The following CELF2 variants were observed in gnomAD, a reference collection of about 807,000 sequenced individuals.
CELF2 encodes the protein CUG triplet repeat RNA-binding protein 2.
Under a neutral mutation model 62.6 loss-of-function variants are expected in CELF2, and 8 were observed. That is an observed-to-expected ratio of 0.13 (90% CI 0.07 to 0.23). The LOEUF is 0.23. Among genes scored for constraint, CELF2 ranks in the 10% least tolerant of loss-of-function variants. The pLI is 1.00. For synonymous variants in CELF2, 258 were observed against 250.0 expected (o/e 1.03, Z -0.30); for missense variants, 333 against 671.0 (o/e 0.50, Z 5.56).
chr10:11,188,151 G>T (rs2075443986), intron 2 of CELF2, among the ~76,000 whole-genome samples: 1 of 152,190 alleles, frequency 6.6e-6, no homozygotes, highest in Non-Finnish European at 1.5e-5. Context: ...TGTTGCCCAG[G>T]TTGGAGTGCA....
chr10:10,912,787 C>G (rs1049505388), intron 1 of CELF2, among the ~76,000 whole-genome samples: 1 of 152,216 alleles, frequency 6.6e-6, no homozygotes. Flanking sequence ...TGTTCACATC[C>G]TGATGAAAAG....
the CELF2 span, among the ~76,000 whole-genome samples, chr10:10,594,976 G>T: frequency 6.6e-6 from 1 of 152,188 alleles, no homozygotes; most frequent in Non-Finnish European, 1.5e-5. Flanking sequence ...ATTCCAGAGG[G>T]TGGGCTGGTT....
intron 2 of CELF2, among the ~76,000 whole-genome samples, chr10:11,189,967 G>T (rs1269846933): frequency 2.6e-5 from 4 of 152,056 alleles, no homozygotes; most frequent in Admixed American, 6.5e-5. Context: ...TGGAATTTCT[G>T]TACTTCCATC....
At chr10:10,682,229 G>C in the CELF2 span, among the ~76,000 whole-genome samples, 1 of 152,184 alleles carries the variant, frequency 6.6e-6, no homozygotes, top group Non-Finnish European at 1.5e-5. Context: ...CTCTGACGGG[G>C]AACAACAAGC....
chr10:11,103,487 A>ATTTTTTTTTTTTTTTTT lies in CELF2; in HGVS notation c.75-61995_75-61979dup, dbSNP rs3054364. On this transcript the variant is annotated intron_variant, in intron 1 of 12. Transcript: ENST00000633077. ...CGGATAAACCTGTGTTTGTAGCCTG[A>ATTTTTTTTTTTTTTTTT]TTTTTTTTTTTTTTTTTTTTACTGT... is the stretch of plus-strand genomic sequence containing the variant. 7.1e-3 allele frequency among the ~76,000 whole-genome samples: 846 copies of ATTTTTTTTTTTTTTTTT among 119,580 alleles called. 27 individuals are homozygous for ATTTTTTTTTTTTTTTTT. Among genetic ancestry groups the ATTTTTTTTTTTTTTTTT allele is most frequent in the East Asian group, 0.015 (63 of 4,190 alleles). The allele number at this position is 119,580 out of a possible 152,430, so 78.4% of individuals were successfully genotyped here. A position where few individuals can be genotyped will look rare whatever the true frequency, so the allele number is the denominator to read the frequency against.
chr10:10,769,341 A>G, the CELF2 span, among the ~76,000 whole-genome samples: 1 of 152,188 alleles, frequency 6.6e-6, no homozygotes, highest in Non-Finnish European at 1.5e-5. Context: ...TCACCTGATC[A>G]AGGGACAGGG....
chr10:10,641,393 T>C, the CELF2 span, among the ~76,000 whole-genome samples: 6 of 152,192 alleles, frequency 3.9e-5, no homozygotes, highest in Admixed American at 6.5e-5. Flanking sequence ...GTACTAAGTA[T>C]TGTTTTTCTT....
At chr10:11,135,074 C>A (rs759978426) in intron 1 of CELF2, among the ~76,000 whole-genome samples, 1 of 152,112 alleles carries the variant, frequency 6.6e-6, no homozygotes, top group Non-Finnish European at 1.5e-5. Flanking sequence ...TGACTTGATG[C>A]TCTGAGAGGC....
chr10:10,736,171 C>T, the CELF2 span, among the ~76,000 whole-genome samples: 1 of 152,094 alleles, frequency 6.6e-6, no homozygotes, highest in East Asian at 1.9e-4. Context: ...AGATACAAAC[C>T]CTGAAAAGAG....
At chr10:11,105,273 T>G (rs2773477) in intron 1 of CELF2, among the ~76,000 whole-genome samples, 9,744 of 152,208 alleles carry the variant, frequency 0.064, 464 homozygotes, top group African/African-American at 0.13. Context: ...ACTTCCTGGT[T>G]GTGTGGCTTT....
the CELF2 span, among the ~76,000 whole-genome samples, chr10:10,581,774 A>G: frequency 1.6e-4 from 24 of 152,188 alleles, no homozygotes; most frequent in Admixed American, 6.5e-5. Flanking sequence ...TCACGCCTGT[A>G]ATCCCAGCAC....
the CELF2 span, among the ~76,000 whole-genome samples, chr10:10,510,252 A>G: frequency 1.3e-5 from 2 of 152,196 alleles, no homozygotes; most frequent in Non-Finnish European, 2.9e-5. Context: ...CTGAATGAAA[A>G]TTAGATATTT....
intron 8 of CELF2, among the ~76,000 whole-genome samples, chr10:11,277,163 C>T (rs2086448072): frequency 6.6e-6 from 1 of 152,166 alleles, no homozygotes; most frequent in Non-Finnish European, 1.5e-5. Context: ...CCTCTTCCTA[C>T]GTATTTGAAG....
chr10:10,932,676 A>ATGTGTGTG (rs72121252), intron 2 of CELF2, among the ~76,000 whole-genome samples: 31,335 of 150,710 alleles, frequency 0.21, 4,059 homozygotes, highest in East Asian at 0.68. Flanking sequence ...ATGTATGTGT[A>ATGTGTGTG]TGTGTGTGTG....
the CELF2 span, among the ~76,000 whole-genome samples, chr10:10,736,399 T>TCTTTC: frequency 6.9e-4 from 98 of 141,480 alleles, no homozygotes; most frequent in East Asian, 4.9e-3. Context: ...TTTCTTTCTT[T>TCTTTC]TTTTTTTTTT....
chr10:10,508,660 A>ATGTGTGTGTGTG, the CELF2 span, among the ~76,000 whole-genome samples: 78 of 140,794 alleles, frequency 5.5e-4, no homozygotes, highest in African/African-American at 2.1e-3. Context: ...TCTTAAACAG[A>ATGTGTGTGTGTG]TGTGTGTGTG....
chr10:10,992,563 C>G (rs2053549567), intron 2 of CELF2, among the ~76,000 whole-genome samples: 1 of 151,958 alleles, frequency 6.6e-6, no homozygotes, highest in African/African-American at 2.4e-5. Context: ...AAATTTGTGC[C>G]AATGAAGTAT....
intron 1 of CELF2, among the ~76,000 whole-genome samples, chr10:11,066,213 C>T (rs2068114151): frequency 6.6e-6 from 1 of 152,142 alleles, no homozygotes; most frequent in South Asian, 2.1e-4. Flanking sequence ...TGTGCCTTGA[C>T]ATTCATCAGT....
At chr10:10,677,053 C>T in the CELF2 span, among the ~76,000 whole-genome samples, 16 of 152,218 alleles carry the variant, frequency 1.1e-4, no homozygotes, top group South Asian at 3.3e-3. Flanking sequence ...CCAGTTCAGC[C>T]CAGCTGCTCA....
Sources: gnomAD v4.1 joint callset for allele counts (sites outside exome capture counted in the v4.1 genomes callset) on GRCh38, gnomAD v4.1.1 for gene constraint, MANE v1.5 for transcripts, NCBI Gene and HGNC (gene_info 2026-07-23, HGNC 2026-07-21) for gene names.